The following RASEF variants were observed in gnomAD, a reference collection of about 807,000 sequenced individuals.
RASEF encodes the protein ras and EF-hand domain-containing protein.
A neutral mutation model predicts 90.1 loss-of-function variants in RASEF; 68 were observed. The observed-to-expected ratio is 0.75, with a 90% confidence interval of 0.62 to 0.92. The LOEUF (loss-of-function observed/expected upper bound fraction) is 0.92, where lower values mean the gene tolerates loss of function less well. Among genes scored for constraint, RASEF ranks in the 40% least tolerant of loss-of-function variants. The pLI, the probability that RASEF is intolerant of heterozygous loss-of-function variation, is 0.00. For missense variants in RASEF, 949 were observed against 937.2 expected (o/e 1.01, Z -0.16); for synonymous variants, 331 against 345.2 (o/e 0.96, Z 0.46).
the RASEF span, among the ~76,000 whole-genome samples, chr9:83,098,437 ACT>A: frequency 6.6e-6 from 1 of 152,138 alleles, no homozygotes; most frequent in Non-Finnish European, 1.5e-5. Flanking sequence ...TAGTTTAACT[ACT>A]GTTTACTATG....
chr9:83,144,485 A>AAAAGAAGAGAAAAGG, the RASEF span, among the ~76,000 whole-genome samples: 1 of 152,080 alleles, frequency 6.6e-6, no homozygotes, highest in African/African-American at 2.4e-5. Context: ...AAGAGAAAAG[A>AAAAGAAGAGAAAAGG]AAAGAAAATC....
the RASEF span, among the ~76,000 whole-genome samples, chr9:83,108,784 G>T: frequency 6.6e-6 from 1 of 152,092 alleles, no homozygotes; most frequent in South Asian, 2.1e-4. Context: ...TCACACCCTT[G>T]CTTGCTCCAC....
chr9:83,022,284 A>G, intron 3 of RASEF, 52 bp downstream of exon 3: 2 of 1,398,768 alleles, frequency 1.4e-6, no homozygotes, highest in Non-Finnish European at 2.0e-6. Context: ...CCCTCTCCGT[A>G]GAAACCACCT....
intron 1 of RASEF, among the ~76,000 whole-genome samples, chr9:83,049,784 A>G (rs1830008736): frequency 1.0e-5 from 1 of 99,098 alleles, no homozygotes. Context: ...GAGTGAGAAT[A>G]TGCGGTGTTT....
Position 83,015,908 on chromosome 9 carries a change from A to C in RASEF, c.670-8T>G. 6.4e-7 allele frequency: 1 copy of C among 1,556,596 alleles called. No individual in the cohort carries two copies. Among genetic ancestry groups the C allele is most frequent in the Non-Finnish European group, 8.8e-7 (1 of 1,135,390 alleles). On this transcript the variant is annotated splice_polypyrimidine_tract_variant and splice_region_variant and intron_variant, in intron 3 of 16. Transcript: ENST00000376447. Reference sequence around the variant, plus strand: ...CTCAGCTTTGCGTTTTTCCTAAAAGAAAAAAAAATATGTTGTTCATTTAAA... The same window carrying C: ...CTCAGCTTTGCGTTTTTCCTAAAAGCAAAAAAAATATGTTGTTCATTTAAA...
chr9:83,088,862 A>G, the RASEF span, among the ~76,000 whole-genome samples: 1 of 151,934 alleles, frequency 6.6e-6, no homozygotes, highest in Admixed American at 6.6e-5. Flanking sequence ...TATCATTTTT[A>G]TCCATTATGC....
At chr9:82,998,887 T>C (rs185684502) in intron 12 of RASEF, among the ~76,000 whole-genome samples, 6 of 152,294 alleles carry the variant, frequency 3.9e-5, no homozygotes, top group Admixed American at 2.0e-4. Flanking sequence ...TAGGTATATA[T>C]GTATAAATGT....
chr9:83,021,434 TTC>T (rs1433720913), intron 3 of RASEF, among the ~76,000 whole-genome samples: 5 of 152,238 alleles, frequency 3.3e-5, no homozygotes, highest in Non-Finnish European at 5.9e-5. Context: ...ATTGTCTATT[TTC>T]TGTTTTCAAT....
chr9:82,997,202 T>G, intron 13 of RASEF, 76 bp from the exon 14 acceptor site: 1 of 925,176 alleles, frequency 1.1e-6, no homozygotes, highest in Non-Finnish European at 1.8e-6. Flanking sequence ...CATTTTTTTC[T>G]CCTCTTCTAA....
At chr9:83,079,092 A>T in the RASEF span, among the ~76,000 whole-genome samples, 1 of 152,080 alleles carries the variant, frequency 6.6e-6, no homozygotes, top group African/African-American at 2.4e-5. Context: ...TTTTGTCGCG[A>T]TTGCTTTTGG....
At chr9:83,191,322 C>A in the RASEF span, among the ~76,000 whole-genome samples, 1 of 152,276 alleles carries the variant, frequency 6.6e-6, no homozygotes, top group African/African-American at 2.4e-5. Context: ...AAACAGAAGA[C>A]ATCTTAGTTG....
chr9:83,182,799 A>G, the RASEF span, among the ~76,000 whole-genome samples: 4 of 152,204 alleles, frequency 2.6e-5, no homozygotes, highest in African/African-American at 9.6e-5. Flanking sequence ...AACTTTGGAA[A>G]GAAACTTAAA....
chr9:83,212,514 A>G, the RASEF span, among the ~76,000 whole-genome samples: 1 of 152,264 alleles, frequency 6.6e-6, no homozygotes, highest in Non-Finnish European at 1.5e-5. Context: ...ATTGTATACA[A>G]CTGACAGTGT....
the RASEF span, among the ~76,000 whole-genome samples, chr9:83,141,205 G>A: frequency 6.6e-6 from 1 of 150,794 alleles, no homozygotes; most frequent in Admixed American, 6.6e-5. Flanking sequence ...CTAAACAAGT[G>A]TAAAGAAACT....
intron 14 of RASEF, among the ~76,000 whole-genome samples, chr9:82,994,826 T>C (rs1258443102): frequency 2.0e-5 from 3 of 152,170 alleles, no homozygotes; most frequent in East Asian, 1.9e-4. Context: ...CAGTTTTCCA[T>C]TGAAGTATAT....
rs2118321927 is a variant in RASEF, at chr9:82,980,213, A to G, written c.*2464T>C. 8.7e-6 allele frequency: 1 copy of G among 115,546 alleles called. No homozygotes were observed. Among genetic ancestry groups the G allele is most frequent in the Admixed American group, 8.8e-5 (1 of 11,308 alleles). 7.2% of individuals were successfully genotyped at this position (115,546 alleles called of 1,614,324 possible). On this transcript the variant is annotated 3_prime_UTR_variant, in exon 17 of 17. Transcript: ENST00000376447. ...GTGAATAACTTCCATAGTAATATGC[A>G]AATGTATCAAGTCTAAGATAAAAAC... is the stretch of plus-strand genomic sequence containing the variant.
chr9:83,034,772 A>C (rs745721103), intron 1 of RASEF, among the ~76,000 whole-genome samples: 1 of 152,184 alleles, frequency 6.6e-6, no homozygotes, highest in Non-Finnish European at 1.5e-5. Flanking sequence ...TGCTTCCTCC[A>C]CCACATCTGC....
At chr9:83,215,888 C>T in the RASEF span, among the ~76,000 whole-genome samples, 1 of 152,086 alleles carries the variant, frequency 6.6e-6, no homozygotes, top group South Asian at 2.1e-4. Context: ...ATGCTTTTGG[C>T]CAAAATGTTG....
At chr9:83,186,408 GCT>G in the RASEF span, among the ~76,000 whole-genome samples, 1 of 152,100 alleles carries the variant, frequency 6.6e-6, no homozygotes, top group Non-Finnish European at 1.5e-5. Flanking sequence ...TCCTTTAAAT[GCT>G]CTCTGTTATT....
Sources: allele counts gnomAD v4.1 joint callset (sites outside exome capture counted in the v4.1 genomes callset), GRCh38; gene constraint gnomAD v4.1.1; transcripts MANE v1.5; gene names NCBI Gene and HGNC (gene_info 2026-07-23, HGNC 2026-07-21).